Variants in GABRB1 observed in about 807,000 individuals in gnomAD.
GABRB1 encodes gamma-aminobutyric acid type A receptor subunit beta1.
GABRB1 carries 17 observed loss-of-function variants against 51.6 expected under a neutral mutation model. That is an observed-to-expected ratio of 0.33 (90% CI 0.23 to 0.49). The LOEUF is 0.49. GABRB1 is among the 20% of genes least tolerant of loss of function. The pLI is 0.99. For missense variants in GABRB1, 410 were observed against 600.6 expected (o/e 0.68, Z 3.32); for synonymous variants, 247 against 218.9 (o/e 1.13, Z -1.14).
At position 47,063,385 on chromosome 4, in the gene GABRB1, A is replaced by G. The variant is rs533171604; in HGVS notation, c.240+30901A>G. ...ATAAGCTGAAAATCACCATAACATA[A>G]TATTTTTACATTAAATAACTGTCTG... On this transcript the variant is annotated intron_variant, in intron 3 of 8. Transcript: ENST00000295454. 5.3e-5 allele frequency among the ~76,000 whole-genome samples: 8 copies of G among 152,326 alleles called. No individual in the cohort carries two copies. The South Asian group carries it at 1.2e-3, about 24-fold the overall frequency.
rs372707057 is a variant in GABRB1, at chr4:47,402,743, C to CT, written c.545-572dup. 7.7e-3 allele frequency among the ~76,000 whole-genome samples: 1,167 copies of CT among 152,286 alleles called. 18 individuals carry two copies. Among genetic ancestry groups the CT allele is most frequent in the African/African-American group, 0.027 (1,116 of 41,548 alleles). ...ATCAAAAATTTATGTAGTCCTAAGA[C>CT]TTTCACCCACATATTAGCTATAATA... On this transcript the variant is annotated intron_variant, in intron 5 of 8. Transcript: ENST00000295454.
chr4:46,997,189 T>C (rs994521449), intron 1 of GABRB1, among the ~76,000 whole-genome samples: 3 of 152,096 alleles, frequency 2.0e-5, no homozygotes, highest in African/African-American at 7.2e-5. Flanking sequence ...TCTTCACTCA[T>C]TTCTTATTGT....
chr4:47,351,413 TTTA>T (rs1441601139), intron 5 of GABRB1, among the ~76,000 whole-genome samples: 1 of 152,148 alleles, frequency 6.6e-6, no homozygotes, highest in Non-Finnish European at 1.5e-5. Context: ...TTGGTTTCTT[TTTA>T]TTATTATTAT....
rs138076532 is a variant in GABRB1, at chr4:47,209,163, A to C, written c.461+47694A>C. Among the ~76,000 whole-genome samples the C allele has an allele frequency of 9.9e-5, 15 of 152,246 alleles. No individual in the cohort carries two copies. The East Asian group carries it at 2.7e-3, about 27-fold the overall frequency. ...TTTCTCTGTGGATGTGACTGCACTC[A>C]CCTAAAGATAGCAATGCTCAAATTT... On this transcript the variant is annotated intron_variant, in intron 4 of 8. Coordinates refer to ENST00000295454, the MANE Select transcript of GABRB1 (RefSeq NM_000812.4).
chr4:47,072,786 A>T (rs1727393448), intron 3 of GABRB1, among the ~76,000 whole-genome samples: 1 of 152,216 alleles, frequency 6.6e-6, no homozygotes, highest in Non-Finnish European at 1.5e-5. Context: ...GGTTTTCTTG[A>T]AAACTATGTT....
chr4:47,175,081 C>T (rs1191907493), intron 4 of GABRB1, among the ~76,000 whole-genome samples: 1 of 146,722 alleles, frequency 6.8e-6, no homozygotes, highest in Non-Finnish European at 1.5e-5. Context: ...CCTTTCCTCC[C>T]TCCCTTGTTT....
At chr4:47,147,922 T>C (rs1717246758) in intron 3 of GABRB1, among the ~76,000 whole-genome samples, 1 of 152,088 alleles carries the variant, frequency 6.6e-6, no homozygotes, top group South Asian at 2.1e-4. Flanking sequence ...GTATTTTTAT[T>C]CTCATAACAT....
chr4:47,294,917 A>G (rs1184844862), intron 4 of GABRB1, among the ~76,000 whole-genome samples: 30 of 152,172 alleles, frequency 2.0e-4, no homozygotes, highest in Admixed American at 2.0e-3. Flanking sequence ...AAACTTCCAG[A>G]GGAATGATCA....
At position 47,287,669 on chromosome 4, in the gene GABRB1, CA is replaced by C. The variant is rs1578065091; in HGVS notation, c.462-32457del. On this transcript the variant is annotated intron_variant, in intron 4 of 8. Coordinates refer to ENST00000295454, the MANE Select transcript of GABRB1 (RefSeq NM_000812.4). ...CCTTTGAGTTTGTTTGGACTTACTT[CA>C]TATGGATAGCATATAGCACAAGTGA... Among the ~76,000 whole-genome samples the C allele has an allele frequency of 2.6e-5, 4 of 152,328 alleles. No individual in the cohort carries two copies. In the East Asian group the frequency reaches 7.7e-4, roughly 29 times the overall value.
At chr4:47,263,252 A>G (rs1318501616) in intron 4 of GABRB1, among the ~76,000 whole-genome samples, 1 of 152,044 alleles carries the variant, frequency 6.6e-6, no homozygotes, top group African/African-American at 2.4e-5. Context: ...ATTAACAAGA[A>G]TTAAAATTTT....
At chr4:47,020,008 A>G (rs1198303594) in intron 1 of GABRB1, among the ~76,000 whole-genome samples, 5 of 151,562 alleles carry the variant, frequency 3.3e-5, no homozygotes, top group Non-Finnish European at 7.4e-5. Context: ...CTGGTCTCGA[A>G]CTCTTGGACT....
chr4:47,316,251 T>G (rs1724884178), intron 4 of GABRB1, among the ~76,000 whole-genome samples: 1 of 151,846 alleles, frequency 6.6e-6, no homozygotes, highest in Non-Finnish European at 1.5e-5. Context: ...ACTCCCTTTT[T>G]TAGGTCTTTG....
rs34373073 is a variant in GABRB1 at position 47,173,668 on chromosome 4, G to A, written c.461+12199G>A. Among the ~76,000 whole-genome samples the A allele has an allele frequency of 2.5e-3, 375 of 152,212 alleles. 2 individuals carry two copies. The highest frequency in any genetic ancestry group is 4.5e-3 in the Non-Finnish European group (303 of 68,010). ...CTGCATTTGTTCAGAAGTGCCTCAG[G>A]CCCAAAAATTGTTCCCAAAGACCTC... On this transcript the variant is annotated intron_variant, in intron 4 of 8. Coordinates refer to ENST00000295454, the MANE Select transcript of GABRB1 (RefSeq NM_000812.4).
chr4:47,409,070 C>T (rs1439523597), intron 8 of GABRB1, among the ~76,000 whole-genome samples: 1 of 152,190 alleles, frequency 6.6e-6, no homozygotes, highest in Non-Finnish European at 1.5e-5. Flanking sequence ...GCCATGCACT[C>T]AAACCTTATG....
At chr4:47,023,903 CCTT>C (rs1333363959) in intron 1 of GABRB1, among the ~76,000 whole-genome samples, 1 of 151,674 alleles carries the variant, frequency 6.6e-6, no homozygotes, top group African/African-American at 2.4e-5. Flanking sequence ...TATTTCCTCC[CCTT>C]CTTTTTCTCT....
At chr4:47,372,008 T>G (rs1727215621) in intron 5 of GABRB1, among the ~76,000 whole-genome samples, 1 of 152,250 alleles carries the variant, frequency 6.6e-6, no homozygotes, top group African/African-American at 2.4e-5. Context: ...GTGAAATCTT[T>G]GCCTGTGCTT....
intron 3 of GABRB1, 163 bp downstream of exon 3, chr4:47,032,647 G>A (rs984772966): frequency 1.3e-6 from 1 of 741,402 alleles, no homozygotes; most frequent in African/African-American, 1.7e-5. Flanking sequence ...GTCGCCCCTG[G>A]TTTGTAATTT....
At chr4:47,073,080 C>T (rs1727405685) in intron 3 of GABRB1, among the ~76,000 whole-genome samples, 1 of 152,118 alleles carries the variant, frequency 6.6e-6, no homozygotes, top group African/African-American at 2.4e-5. Context: ...AGTGTGTCTA[C>T]AATTGGATTA....
chr4:47,002,895 C>T (rs1045961950), intron 1 of GABRB1, among the ~76,000 whole-genome samples: 2 of 152,056 alleles, frequency 1.3e-5, no homozygotes, highest in African/African-American at 4.8e-5. Flanking sequence ...GAAGGAGAAC[C>T]TCAATGGTAT....
Sources: allele counts gnomAD v4.1 joint callset (sites outside exome capture counted in the v4.1 genomes callset), GRCh38; gene constraint gnomAD v4.1.1; transcripts MANE v1.5; gene names NCBI Gene and HGNC (gene_info 2026-07-23, HGNC 2026-07-21).